The following PLEKHA1 variants were observed in gnomAD, a reference collection of about 807,000 sequenced individuals.
PLEKHA1 encodes the protein pleckstrin homology domain-containing family A member 1.
Under a neutral mutation model 52.0 loss-of-function variants are expected in PLEKHA1, and 34 were observed. The observed-to-expected ratio is 0.65, with a 90% CI of 0.50 to 0.87. The LOEUF is 0.87. Among genes scored for constraint, PLEKHA1 ranks in the 40% least tolerant of loss-of-function variants. The pLI, the probability that PLEKHA1 is intolerant of heterozygous loss-of-function variation, is 0.00. For synonymous variants in PLEKHA1, 163 were observed against 170.7 expected (o/e 0.95, Z 0.35); for missense variants, 497 against 504.2 (o/e 0.99, Z 0.14).
chr10:122,406,662 A>G lies in PLEKHA1; in HGVS notation c.331A>G (p.Ile111Val), dbSNP rs2097020369. Residue 111 changes from isoleucine (I) to valine (V), a missense_variant, in exon 5 of 12, where the codon ATA (isoleucine) becomes GTA (valine). Transcript: ENST00000368990. ...VEWVNVLNKA[I>V]KITVPKQSDS... is the part of the protein sequence containing the mutation. ...ATGGGTAAATGTGTTAAACAAAGCT[A>G]TAAAAATTACAGTAAGTATATGTAT... is the stretch of plus-strand genomic sequence containing the variant. 2 of 1,605,308 alleles carry G rather than the reference A, an allele frequency of 1.2e-6. No individual in the cohort carries two copies. The highest frequency in any genetic ancestry group is 1.1e-5 in the South Asian group (1 of 90,728).
At chr10:122,405,431 G>A (rs1009842506) in intron 4 of PLEKHA1, among the ~76,000 whole-genome samples, 1 of 151,550 alleles carries the variant, frequency 6.6e-6, no homozygotes, top group Non-Finnish European at 1.5e-5. Context: ...GAGAAACGTG[G>A]GTAAAGAAAG....
chr10:122,436,482 G>C (rs2097438024), downstream of PLEKHA1: 1 of 152,178 alleles, frequency 6.6e-6, no homozygotes, highest in Non-Finnish European at 1.5e-5. Flanking sequence ...TATAGGGCCT[G>C]GTTATAAAGA....
chr10:122,433,877 C>T (rs1237698185), downstream of PLEKHA1: 1 of 152,176 alleles, frequency 6.6e-6, no homozygotes, highest in Admixed American at 6.5e-5. Flanking sequence ...TTAGGAAGGG[C>T]TTTTAATTAT....
chr10:122,434,647 C>T (rs1364173635), downstream of PLEKHA1: 2 of 151,144 alleles, frequency 1.3e-5, no homozygotes, highest in Non-Finnish European at 2.9e-5. Flanking sequence ...ATACATGTGC[C>T]ATGCTGGTGT....
intron 1 of PLEKHA1, chr10:122,386,820 A>G (rs1376357031): frequency 6.6e-6 from 1 of 152,212 alleles, no homozygotes. Context: ...TAGAATTCAC[A>G]TATGAACTAT....
At chr10:122,427,954 A>C (rs2097364243) in intron 11 of PLEKHA1, among the ~76,000 whole-genome samples, 1 of 152,246 alleles carries the variant, frequency 6.6e-6, no homozygotes, top group South Asian at 2.1e-4. Context: ...ATAAATAAAT[A>C]GAAATCAATG....
chr10:122,441,002 C>T, the PLEKHA1 span: 2 of 152,140 alleles, frequency 1.3e-5, no homozygotes, highest in Non-Finnish European at 2.9e-5. Flanking sequence ...TCCTAATCCC[C>T]TAAGGCAGTG....
intron 6 of PLEKHA1, among the ~76,000 whole-genome samples, chr10:122,414,326 A>G (rs1214255589): frequency 6.6e-6 from 1 of 152,112 alleles, no homozygotes; most frequent in Non-Finnish European, 1.5e-5. Context: ...TTTGGTATAG[A>G]TATTTCAGTA....
chr10:122,415,789 C>T lies in PLEKHA1; in HGVS notation c.469-70C>T, dbSNP rs574374667. 9 of 1,408,246 alleles carry T rather than the reference C, an allele frequency of 6.4e-6. No individual in the cohort carries two copies. In the East Asian group the frequency reaches 2.2e-4, roughly 35 times the overall value. 87.2% of individuals were successfully genotyped at this position (1,408,246 alleles called of 1,614,324 possible). A position where few individuals can be genotyped will look rare whatever the true frequency, so the allele number is the denominator to read the frequency against. On this transcript the variant is annotated intron_variant, in intron 6 of 11. Coordinates refer to ENST00000368990, the MANE Select transcript of PLEKHA1 (RefSeq NM_001001974.4). Reference sequence around the variant, plus strand: ...CTAAGGTGGATTTTAAGATTTTCTACTGGGATAATATGAAATAAAAGTATG... The same window carrying T: ...CTAAGGTGGATTTTAAGATTTTCTATTGGGATAATATGAAATAAAAGTATG...
In PLEKHA1 at chr10:122,393,007, A is replaced by C; in HGVS notation, c.-20-174A>C. ...TAGTTACATTTAGTAACCACTCTTC[A>C]CAAACTGAATTTCAAAAGTGATTTT... On this transcript the variant is annotated intron_variant, in intron 1 of 11. Coordinates refer to ENST00000368990, the MANE Select transcript of PLEKHA1 (RefSeq NM_001001974.4). This position sits in a 1 kb window ranked among gnomAD's most constrained non-coding sequence, Gnocchi z 4.5. 2.1e-6 allele frequency: 1 copy of C among 477,396 alleles called. No individual in the cohort carries two copies. The highest frequency in any genetic ancestry group is 3.6e-6 in the Non-Finnish European group (1 of 275,714). The allele number at this position is 477,396 out of a possible 1,614,324, so 29.6% of individuals were successfully genotyped here.
intron 1 of PLEKHA1, among the ~76,000 whole-genome samples, chr10:122,389,062 C>T (rs2096740356): frequency 6.6e-6 from 1 of 152,134 alleles, no homozygotes; most frequent in South Asian, 2.1e-4. Context: ...ATATTTGGAC[C>T]TCCTCTTGTG....
chr10:122,434,866 A>G (rs940845970), downstream of PLEKHA1: 70 of 148,834 alleles, frequency 4.7e-4, no homozygotes, highest in Admixed American at 2.7e-4. Context: ...ATGATTTCCA[A>G]TTTCATCCAT....
chr10:122,417,895 G>C lies in PLEKHA1; in HGVS notation c.613-5G>C. 6.2e-7 allele frequency: 1 copy of C among 1,603,098 alleles called. No homozygotes were observed. The highest frequency in any genetic ancestry group is 8.5e-7 in the Non-Finnish European group (1 of 1,171,104). Reference sequence around the variant, plus strand: ...AAGTCTTATGTCTGTGTTCATCTCTGGTAGATGAAAAACTGGAAGAGAAGA... The same window carrying C: ...AAGTCTTATGTCTGTGTTCATCTCTCGTAGATGAAAAACTGGAAGAGAAGA... On this transcript the variant is annotated splice_region_variant and splice_polypyrimidine_tract_variant and intron_variant, in intron 7 of 11. Transcript: ENST00000368990.
At position 122,405,773 on chromosome 10, in the gene PLEKHA1, A is replaced by G. The variant is rs2097002243; in HGVS notation, c.245-803A>G. ...TTACTATAACCTAGGGCAGTGGAGTAGAAGCCACCATGGAGCTATTAGTAT... is the reference window on the plus strand; with the variant it reads ...TTACTATAACCTAGGGCAGTGGAGTGGAAGCCACCATGGAGCTATTAGTAT... On this transcript the variant is annotated intron_variant, in intron 4 of 11. Coordinates refer to ENST00000368990, the MANE Select transcript of PLEKHA1 (RefSeq NM_001001974.4). Among the ~76,000 whole-genome samples the G allele has an allele frequency of 2.0e-5, 3 of 152,150 alleles. No homozygotes were observed. In the South Asian group the frequency reaches 6.2e-4, roughly 32 times the overall value.
intron 2 of PLEKHA1, among the ~76,000 whole-genome samples, chr10:122,397,548 T>C (rs1430353271): frequency 6.6e-6 from 1 of 152,132 alleles, no homozygotes; most frequent in Non-Finnish European, 1.5e-5. Flanking sequence ...ATGTATAGTC[T>C]TTTTAAGTAT....
chr10:122,416,515 G>A (rs2097177964), intron 7 of PLEKHA1, among the ~76,000 whole-genome samples: 2 of 151,002 alleles, frequency 1.3e-5, no homozygotes, highest in East Asian at 1.9e-4. Flanking sequence ...GTTTTGTTTT[G>A]TTTTGTTTTT....
chr10:122,427,323 A>T (rs2097353570), intron 11 of PLEKHA1, among the ~76,000 whole-genome samples: 1 of 152,202 alleles, frequency 6.6e-6, no homozygotes, highest in Non-Finnish European at 1.5e-5. Flanking sequence ...GTAGCTCTAG[A>T]TTTGGCATAA....
the PLEKHA1 span, chr10:122,439,240 T>C: frequency 1.3e-5 from 2 of 152,344 alleles, no homozygotes; most frequent in East Asian, 1.9e-4. Context: ...GGTCAAGATA[T>C]GTTATTTTAA....
At chr10:122,398,623 A>G (rs1317869879) in intron 3 of PLEKHA1, among the ~76,000 whole-genome samples, 2 of 145,426 alleles carry the variant, frequency 1.4e-5, no homozygotes, top group Non-Finnish European at 3.0e-5. Context: ...GTGTGTGTGC[A>G]TGTGTGTTAC....
Sources: allele counts gnomAD v4.1 joint callset (sites outside exome capture counted in the v4.1 genomes callset), GRCh38; gene constraint gnomAD v4.1.1; non-coding constraint Gnocchi (gnomAD v3.1); transcripts MANE v1.5; gene names NCBI Gene and HGNC (gene_info 2026-07-23, HGNC 2026-07-21).